The following RAD54B variants were observed in gnomAD, a reference collection of about 807,000 sequenced individuals.
The protein encoded by RAD54B is DNA repair and recombination protein RAD54B.
In RAD54B, 78 loss-of-function variants were observed where a neutral mutation model predicts 95.8. The ratio of observed to expected loss-of-function variants is 0.81; its 90% CI spans 0.68 to 0.98. RAD54B has a LOEUF of 0.98. RAD54B is among the 50% of genes least tolerant of loss of function. RAD54B has a pLI of 0.00. For missense variants in RAD54B, 957 were observed against 1,056.6 expected (o/e 0.91, Z 1.31); for synonymous variants, 328 against 354.9 (o/e 0.92, Z 0.85).
intron 2 of RAD54B, among the ~76,000 whole-genome samples, chr8:94,463,893 C>CAAAAA (rs553168595): frequency 1.6e-4 from 15 of 90,922 alleles, no homozygotes; most frequent in African/African-American, 4.2e-4. Context: ...GACCCTATCT[C>CAAAAA]AAAAAAAAAA....
intron 3 of RAD54B, among the ~76,000 whole-genome samples, chr8:94,455,200 T>G (rs573252337): frequency 6.6e-6 from 1 of 152,326 alleles, no homozygotes; most frequent in African/African-American, 2.4e-5. Flanking sequence ...AAAACACTTG[T>G]GAAATTATTC....
chr8:94,387,357 A>G, intron 10 of RAD54B, 198 bp from the exon 11 acceptor site: 1 of 486,172 alleles, frequency 2.1e-6, no homozygotes, highest in Non-Finnish European at 3.6e-6. Context: ...AGTTAGTTAC[A>G]GAGCAGTTCT....
At chr8:94,419,064 T>G (rs1355591189) in intron 3 of RAD54B, among the ~76,000 whole-genome samples, 3 of 152,156 alleles carry the variant, frequency 2.0e-5, no homozygotes, top group Non-Finnish European at 1.5e-5. Flanking sequence ...AAGAAAAGAT[T>G]CTCATATCTT....
intron 12 of RAD54B, among the ~76,000 whole-genome samples, chr8:94,379,796 CT>C (rs1421347118): frequency 6.6e-6 from 1 of 152,228 alleles, no homozygotes; most frequent in Admixed American, 6.5e-5. Context: ...GCATCTGTAA[CT>C]TTATTGTCTT....
intron 8 of RAD54B, among the ~76,000 whole-genome samples, chr8:94,395,545 G>A (rs1018143727): frequency 2.0e-5 from 3 of 152,070 alleles, no homozygotes; most frequent in African/African-American, 7.2e-5. Flanking sequence ...GAAAAGGAAG[G>A]GGTTCTAAGT....
Position 94,400,405 on chromosome 8 carries a change from G to C in RAD54B, c.1003C>G (p.Gln335Glu). 6.2e-7 allele frequency: 1 copy of C among 1,613,622 alleles called. No homozygotes were observed. The highest frequency in any genetic ancestry group is 8.5e-7 in the Non-Finnish European group (1 of 1,179,842). The change falls in exon 7 of 15, where the codon CAA becomes GAA. Residue 335 changes from glutamine (Q) to glutamate (E), a missense_variant. Coordinates refer to ENST00000336148, the MANE Select transcript of RAD54B (RefSeq NM_012415.3). ...AGGGTCCAGATGAGCGAAATACATTGCAATGTCTTCCCTAAACCCATTTCA... is the reference window on the plus strand; with the variant it reads ...AGGGTCCAGATGAGCGAAATACATTCCAATGTCTTCCCTAAACCCATTTCA... Reference protein sequence around the residue: ...ADEMGLGKTLQCISLIWTLQC... With the variant: ...ADEMGLGKTLECISLIWTLQC...
chr8:94,459,261 T>C (rs1812846029), intron 2 of RAD54B, among the ~76,000 whole-genome samples: 1 of 151,808 alleles, frequency 6.6e-6, no homozygotes, highest in Non-Finnish European at 1.5e-5. Context: ...CAAGGGATCC[T>C]CCCACCTCAG....
chr8:94,428,023 A>C, intron 3 of RAD54B: 1 of 939,888 alleles, frequency 1.1e-6, no homozygotes, highest in Non-Finnish European at 1.3e-6. Flanking sequence ...ATTCGTTAGA[A>C]ATGAGTTTCA....
rs1013178872 is a variant in RAD54B at position 94,427,878 on chromosome 8, ATAGTT to A, written c.305-16568_305-16564del. On this transcript the variant is annotated intron_variant, in intron 3 of 14. Coordinates refer to ENST00000336148, the MANE Select transcript of RAD54B (RefSeq NM_012415.3). ...AAAAGAAGGCACATGAAAAAAACTC[ATAGTT>A]TAAACATTTTCACATAAGTAAAGAT... 2.4e-5 allele frequency: 23 copies of A among 955,894 alleles called. No homozygotes were observed. The Admixed American group carries it at 4.9e-4, about 21-fold the overall frequency. The allele number at this position is 955,894 out of a possible 1,614,324, so 59.2% of individuals were successfully genotyped here. A position where few individuals can be genotyped will look rare whatever the true frequency, so the allele number is the denominator to read the frequency against.
chr8:94,429,845 T>C lies in RAD54B; in HGVS notation c.305-18530A>G, dbSNP rs78082589. 6.4e-3 allele frequency: 6,261 copies of C among 985,346 alleles called. 30 individuals are homozygous for C. The highest frequency in any genetic ancestry group is 0.019 in the Middle Eastern group (36 of 1,914). 61.0% of individuals were successfully genotyped at this position (985,346 alleles called of 1,614,324 possible). A position where few individuals can be genotyped will look rare whatever the true frequency, so the allele number is the denominator to read the frequency against. On this transcript the variant is annotated intron_variant, in intron 3 of 14. Transcript: ENST00000336148. ...GTAGTCAACATGCTAAAATAGTACC[T>C]TGAGTTCATTTTTTTCTATTTCTAT...
chr8:94,376,435 G>A (rs1232653011), intron 14 of RAD54B, among the ~76,000 whole-genome samples: 6 of 151,758 alleles, frequency 4.0e-5, no homozygotes, highest in African/African-American at 1.5e-4. Flanking sequence ...AAAGAAGACT[G>A]AAAAATCATT....
intron 6 of RAD54B, among the ~76,000 whole-genome samples, chr8:94,401,218 T>C (rs1454419999): frequency 2.0e-5 from 3 of 152,152 alleles, no homozygotes; most frequent in Non-Finnish European, 4.4e-5. Context: ...AGTCCACTTA[T>C]ATATGGGTTT....
chr8:94,448,974 G>C (rs953617056), intron 3 of RAD54B, among the ~76,000 whole-genome samples: 1 of 151,744 alleles, frequency 6.6e-6, no homozygotes, highest in African/African-American at 2.4e-5. Flanking sequence ...ATGTTAACTT[G>C]CTTCACTATA....
chr8:94,474,605 C>T (rs546370430), intron 1 of RAD54B, among the ~76,000 whole-genome samples: 141 of 152,222 alleles, frequency 9.3e-4, no homozygotes, highest in African/African-American at 3.2e-3. Context: ...CGTACCGACA[C>T]TCTCCAGGAC....
At position 94,387,018 on chromosome 8, in the gene RAD54B, A is replaced by G. The variant is rs778810818; in HGVS notation, c.1951T>C (p.Leu651=). 6.2e-7 allele frequency: 1 copy of G among 1,608,842 alleles called. No homozygotes were observed. The highest frequency in any genetic ancestry group is 8.5e-7 in the Non-Finnish European group (1 of 1,178,610). ...SGKLQVLSKL[L]AVIHELRPTE... ...GGTCGAAGTTCGTGGATAACCGCTA[A>G]GAGCTTGGACAACACCTGTAGTTTT... The change falls in exon 11 of 15, where the codon TTA becomes CTA. Residue 651 remains leucine (L), a synonymous_variant. Transcript: ENST00000336148.
chr8:94,460,712 C>A (rs976784968), intron 2 of RAD54B, among the ~76,000 whole-genome samples: 7 of 152,152 alleles, frequency 4.6e-5, no homozygotes, highest in Non-Finnish European at 8.8e-5. Flanking sequence ...AAAGTTATCA[C>A]CAGGGCTGAG....
chr8:94,421,145 C>A (rs961142093), intron 3 of RAD54B, among the ~76,000 whole-genome samples: 2 of 152,118 alleles, frequency 1.3e-5, no homozygotes, highest in Non-Finnish European at 2.9e-5. Flanking sequence ...TAGTCATTCC[C>A]CCTAAACTGC....
At chr8:94,389,978 T>C (rs1363351312) in intron 10 of RAD54B, among the ~76,000 whole-genome samples, 1 of 152,152 alleles carries the variant, frequency 6.6e-6, no homozygotes, top group Non-Finnish European at 1.5e-5. Flanking sequence ...TGAAGAAATT[T>C]TTGGCTATTT....
At chr8:94,419,196 A>G (rs903026446) in intron 3 of RAD54B, among the ~76,000 whole-genome samples, 4 of 152,246 alleles carry the variant, frequency 2.6e-5, no homozygotes, top group Admixed American at 6.5e-5. Context: ...AAGAATTTCA[A>G]TTAGTAAGAA....
Sources: allele counts gnomAD v4.1 joint callset (sites outside exome capture counted in the v4.1 genomes callset), GRCh38; gene constraint gnomAD v4.1.1; transcripts MANE v1.5; gene names NCBI Gene and HGNC (gene_info 2026-07-23, HGNC 2026-07-21).